MBNL1: variants seen among roughly 807,000 people sequenced by gnomAD.
MBNL1 encodes muscleblind like splicing regulator 1.
A neutral mutation model predicts 42.2 loss-of-function variants in MBNL1; 8 were observed. The observed-to-expected ratio is 0.19, with a 90% CI of 0.11 to 0.34. The LOEUF is 0.34. Ranked by LOEUF, MBNL1 falls within the 10% of genes least tolerant of loss-of-function variation. The pLI, the probability that MBNL1 is intolerant of heterozygous loss-of-function variation, is 1.00. For synonymous variants in MBNL1, 169 were observed against 173.9 expected (o/e 0.97, Z 0.22); for missense variants, 309 against 495.3 (o/e 0.62, Z 3.57).
chr3:152,291,380 CAAG>C (rs2055872338), intron 1 of MBNL1, among the ~76,000 whole-genome samples: 1 of 152,098 alleles, frequency 6.6e-6, no homozygotes, highest in African/African-American at 2.4e-5. Flanking sequence ...ACTTCATAAT[CAAG>C]GAGGTATTTA....
chr3:152,433,117 C>T (rs112366966), intron 4 of MBNL1, among the ~76,000 whole-genome samples, 197 bp downstream of exon 4: 145 of 152,218 alleles, frequency 9.5e-4, no homozygotes, highest in African/African-American at 3.3e-3. Flanking sequence ...GCTACAACAT[C>T]CATGTTTAGA....
chr3:152,441,903 G>A (rs963899225), intron 4 of MBNL1, among the ~76,000 whole-genome samples: 6 of 151,888 alleles, frequency 4.0e-5, no homozygotes, highest in African/African-American at 1.2e-4. Context: ...AGCAATTCTC[G>A]TGCCTCAGCC....
intron 6 of MBNL1, among the ~76,000 whole-genome samples, chr3:152,453,864 T>G (rs1294943948): frequency 6.6e-6 from 1 of 152,188 alleles, no homozygotes; most frequent in Non-Finnish European, 1.5e-5. Flanking sequence ...AGTAGGCAAG[T>G]CTCAGCCTAA....
In MBNL1 at chr3:152,442,588, A is replaced by G. The variant is rs572086273; in HGVS notation, c.550-2694A>G. 5.9e-5 allele frequency among the ~76,000 whole-genome samples: 9 copies of G among 152,312 alleles called. No homozygotes were observed. The East Asian group carries it at 1.7e-3, about 29-fold the overall frequency. On this transcript the variant is annotated intron_variant, in intron 4 of 9. Transcript: ENST00000324210. Reference sequence around the variant, plus strand: ...AAATTTGTGAAATGTTGTCAGTTATAATTTACTAATGTAATAGTATGTCTA... The same window carrying G: ...AAATTTGTGAAATGTTGTCAGTTATGATTTACTAATGTAATAGTATGTCTA...
chr3:152,256,115 C>T (rs2035413510), intron 2 of MBNL1, among the ~76,000 whole-genome samples: 1 of 152,134 alleles, frequency 6.6e-6, no homozygotes, highest in Admixed American at 6.6e-5. Flanking sequence ...CTGGCTAACA[C>T]AGTCTTGGAA....
intron 5 of MBNL1, 137 bp from the exon 6 acceptor site, chr3:152,447,476 TCATTGGA>T: frequency 1.8e-6 from 1 of 546,492 alleles, no homozygotes; most frequent in Non-Finnish European, 3.3e-6. Flanking sequence ...AATTTTTTGT[TCATTGGA>T]TTTTTTCCCT....
intron 1 of MBNL1, among the ~76,000 whole-genome samples, chr3:152,296,939 A>G (rs1170815755): frequency 6.6e-6 from 1 of 152,220 alleles, no homozygotes; most frequent in Non-Finnish European, 1.5e-5. Context: ...AGTGGGTCAG[A>G]TATATAAGGA....
At chr3:152,313,449 A>C (rs1261122269) in intron 2 of MBNL1, among the ~76,000 whole-genome samples, 1 of 152,192 alleles carries the variant, frequency 6.6e-6, no homozygotes, top group East Asian at 1.9e-4. Context: ...TTACTGTCCC[A>C]AGCTGGTTTC....
chr3:152,376,904 T>A (rs1356591836), intron 2 of MBNL1, among the ~76,000 whole-genome samples: 1 of 152,208 alleles, frequency 6.6e-6, no homozygotes, highest in Non-Finnish European at 1.5e-5. Flanking sequence ...GTTCCCTATT[T>A]TTTGCTAGTT....
At chr3:152,430,484 CTT>C (rs2098992116) in intron 3 of MBNL1, among the ~76,000 whole-genome samples, 2 of 152,180 alleles carry the variant, frequency 1.3e-5, no homozygotes, top group Admixed American at 1.3e-4. Context: ...GACATAGACT[CTT>C]TTAGTCTTCT....
chr3:152,326,459 A>G (rs2080153955), intron 2 of MBNL1, among the ~76,000 whole-genome samples: 2 of 152,184 alleles, frequency 1.3e-5, no homozygotes, highest in South Asian at 4.1e-4. Context: ...AAAGTTCTCC[A>G]TCAGACTTGG....
At chr3:152,456,445 T>C (rs1479156818) in intron 8 of MBNL1, 84 bp downstream of exon 8, 2 of 1,105,122 alleles carry the variant, frequency 1.8e-6, no homozygotes, top group Non-Finnish European at 2.8e-6. Flanking sequence ...GGATTTCCCA[T>C]TGAGGTCAGT....
chr3:152,436,155 A>C (rs1029787409), intron 4 of MBNL1, among the ~76,000 whole-genome samples: 2 of 152,232 alleles, frequency 1.3e-5, no homozygotes. Flanking sequence ...GCAGGAATTT[A>C]GTTAATAAGC....
At chr3:152,364,581 A>G (rs896813592) in intron 2 of MBNL1, among the ~76,000 whole-genome samples, 6 of 152,164 alleles carry the variant, frequency 3.9e-5, no homozygotes, top group South Asian at 2.1e-4. Context: ...ATGGCATTAC[A>G]TATTTATGGC....
chr3:152,333,884 C>A (rs953796240), intron 2 of MBNL1, among the ~76,000 whole-genome samples: 1 of 152,156 alleles, frequency 6.6e-6, no homozygotes. Context: ...ATTTAGAGCT[C>A]CAGCTCTGGA....
chr3:152,244,724 C>A (rs1449958916), intron 2 of MBNL1, among the ~76,000 whole-genome samples: 1 of 152,088 alleles, frequency 6.6e-6, no homozygotes, highest in Non-Finnish European at 1.5e-5. Flanking sequence ...ATTTTGCACA[C>A]AATTTAGTGC....
At chr3:152,414,361 A>G (rs918634572) in intron 2 of MBNL1, among the ~76,000 whole-genome samples, 2 of 152,236 alleles carry the variant, frequency 1.3e-5, no homozygotes, top group East Asian at 3.8e-4. Context: ...TAATCTCTAT[A>G]TACAGTGGGA....
At chr3:152,337,489 A>C (rs554204889) in intron 2 of MBNL1, among the ~76,000 whole-genome samples, 2 of 152,102 alleles carry the variant, frequency 1.3e-5, no homozygotes, top group African/African-American at 4.8e-5. Context: ...GTGGTTGTGC[A>C]CGCCTGTAGT....
At chr3:152,424,328 T>C (rs1303192340) in intron 3 of MBNL1, among the ~76,000 whole-genome samples, 1 of 152,098 alleles carries the variant, frequency 6.6e-6, no homozygotes, top group Non-Finnish European at 1.5e-5. Flanking sequence ...TCACAATTGC[T>C]ACAAAGAGAA....
Sources: gnomAD v4.1 joint callset for allele counts (sites outside exome capture counted in the v4.1 genomes callset) on GRCh38, gnomAD v4.1.1 for gene constraint, MANE v1.5 for transcripts, NCBI Gene and HGNC (gene_info 2026-07-23, HGNC 2026-07-21) for gene names.